The following ATP13A3 variants were observed in gnomAD, a reference collection of about 807,000 sequenced individuals.
The protein encoded by ATP13A3 is ATPase 13A3, also known as polyamine-transporting ATPase 13A3.
Under a neutral mutation model 158.1 loss-of-function variants are expected in ATP13A3, and 59 were observed. The observed-to-expected ratio is 0.37, with a 90% CI of 0.30 to 0.46. ATP13A3 has a LOEUF of 0.46. ATP13A3 is among the 20% of genes least tolerant of loss of function. The pLI is 1.00. For missense variants in ATP13A3, 1,166 were observed against 1,525.2 expected (o/e 0.76, Z 3.92); for synonymous variants, 491 against 504.3 (o/e 0.97, Z 0.35).
intron 20 of ATP13A3, among the ~76,000 whole-genome samples, chr3:194,434,794 C>T (rs975811029): frequency 6.6e-6 from 1 of 152,082 alleles, no homozygotes; most frequent in African/African-American, 2.4e-5. Flanking sequence ...ATGACATGTG[C>T]CTGCAGTCCC....
upstream of ATP13A3, among the ~76,000 whole-genome samples, chr3:194,490,220 G>A (rs191710308): frequency 6.6e-6 from 1 of 152,220 alleles, no homozygotes; most frequent in East Asian, 1.9e-4. This position sits in a 1 kb window ranked among gnomAD's most constrained non-coding sequence, Gnocchi z 4.4. Flanking sequence ...GCAAATCTGC[G>A]CATCATCCTA....
intron 33 of ATP13A3, among the ~76,000 whole-genome samples, chr3:194,410,327 A>AAAAAC (rs1560066863): frequency 1.3e-5 from 2 of 148,728 alleles, no homozygotes; most frequent in Non-Finnish European, 3.0e-5. Flanking sequence ...AAAAAAAAAA[A>AAAAAC]AAAACTGCTG....
Position 194,455,982 on chromosome 3 carries a change from TC to T in ATP13A3, c.561-21del, listed in dbSNP as rs766200232. ...AGTTTTCTATAACAGGAAAATACAT[TC>T]ATAGTATTACATTATATCATAATAG... On this transcript the variant is annotated intron_variant, in intron 7 of 33. Transcript: ENST00000645319. 5.7e-6 allele frequency: 8 copies of T among 1,409,878 alleles called. No homozygotes were observed. The African/African-American group carries it at 1.0e-4, about 18-fold the overall frequency. The allele number at this position is 1,409,878 out of a possible 1,614,324, so 87.3% of individuals were successfully genotyped here.
At chr3:194,449,635 C>T (rs1253072284) in intron 11 of ATP13A3, among the ~76,000 whole-genome samples, 1 of 151,916 alleles carries the variant, frequency 6.6e-6, no homozygotes, top group Non-Finnish European at 1.5e-5. Context: ...CAAGATCGCA[C>T]CACTGCTCTC....
chr3:194,481,449 GA>G (rs1720747051), intron 2 of ATP13A3, among the ~76,000 whole-genome samples: 2 of 152,254 alleles, frequency 1.3e-5, no homozygotes, highest in South Asian at 4.1e-4. Context: ...AAGCAAGGGT[GA>G]AAGGAACACC....
Position 194,448,690 on chromosome 3 carries a change from C to T in ATP13A3, c.971-54G>A, listed in dbSNP as rs1718578351. 3.9e-6 allele frequency: 6 copies of T among 1,547,824 alleles called. No individual in the cohort carries two copies. Among genetic ancestry groups the T allele is most frequent in the South Asian group, 1.2e-5 (1 of 84,276 alleles). ...CAGTTTACAAATTATTAAACGAAAGCACAGGAATCAGTATCGAACACCAAA... is the reference window on the plus strand; with the variant it reads ...CAGTTTACAAATTATTAAACGAAAGTACAGGAATCAGTATCGAACACCAAA... On this transcript the variant is annotated intron_variant, in intron 11 of 33. Transcript: ENST00000645319. This position sits in a 1 kb window ranked among gnomAD's most constrained non-coding sequence, Gnocchi z 4.0.
intron 6 of ATP13A3, chr3:194,459,259 T>C (rs909204018): frequency 9.7e-6 from 5 of 515,254 alleles, no homozygotes; most frequent in Non-Finnish European, 3.5e-6. Context: ...CTAAGTTTCA[T>C]GTAAACTCTG....
At position 194,404,390 on chromosome 3, in the gene ATP13A3, A is replaced by C; in HGVS notation, c.*1529T>G. 1 of 192,924 alleles carries C rather than the reference A, an allele frequency of 5.2e-6. No individual in the cohort carries two copies. Among genetic ancestry groups the C allele is most frequent in the Non-Finnish European group, 1.1e-5 (1 of 93,216 alleles). The allele number at this position is 192,924 out of a possible 1,614,324, so 12.0% of individuals were successfully genotyped here. On this transcript the variant is annotated 3_prime_UTR_variant, in exon 34 of 34. Coordinates refer to ENST00000645319, the MANE Select transcript of ATP13A3 (RefSeq NM_001367549.1). Reference sequence around the variant, plus strand: ...CTTTGCAGCATAAAGAGTGAGAACCATTTGGTCCTAAAATTCTAGGTAAAA... The same window carrying C: ...CTTTGCAGCATAAAGAGTGAGAACCCTTTGGTCCTAAAATTCTAGGTAAAA...
intron 31 of ATP13A3, among the ~76,000 whole-genome samples, chr3:194,415,275 G>A (rs1264031700): frequency 2.0e-5 from 3 of 152,194 alleles, no homozygotes; most frequent in African/African-American, 7.2e-5. Flanking sequence ...TAACGGCCTT[G>A]CTGAGGGCCG....
rs116618334 is a variant in ATP13A3 at position 194,472,921 on chromosome 3, G to A, written c.-46-10685C>T. On this transcript the variant is annotated intron_variant, in intron 2 of 33. Coordinates refer to ENST00000645319, the MANE Select transcript of ATP13A3 (RefSeq NM_001367549.1). ...AGAAACAGAAAACCAAATACTATAT[G>A]TTCTCACTTGTAAGTGGGATCTAAA... Among the ~76,000 whole-genome samples the A allele has an allele frequency of 5.7e-3, 861 of 152,214 alleles. 10 individuals carry two copies. The highest frequency in any genetic ancestry group is 0.02 in the African/African-American group (817 of 41,510).
chr3:194,483,274 ACT>A (rs1234726369), intron 2 of ATP13A3, among the ~76,000 whole-genome samples: 2 of 150,008 alleles, frequency 1.3e-5, no homozygotes, highest in East Asian at 2.0e-4. Context: ...AGAGAGCGAG[ACT>A]CTTTCTCTGG....
intron 30 of ATP13A3, among the ~76,000 whole-genome samples, chr3:194,425,007 C>T (rs937931435): frequency 1.3e-5 from 2 of 152,126 alleles, no homozygotes; most frequent in Non-Finnish European, 1.5e-5. Context: ...CCTCCGTCTC[C>T]GCCCCCGATC....
intron 2 of ATP13A3, among the ~76,000 whole-genome samples, chr3:194,476,653 T>A (rs747242395): frequency 6.6e-6 from 1 of 152,176 alleles, no homozygotes; most frequent in Non-Finnish European, 1.5e-5. Context: ...CATTCAAGTC[T>A]GTATGCAGCC....
chr3:194,485,474 C>G (rs766380928), intron 2 of ATP13A3, among the ~76,000 whole-genome samples: 1 of 152,202 alleles, frequency 6.6e-6, no homozygotes, highest in Non-Finnish European at 1.5e-5. Context: ...CTGTTCATTA[C>G]GTACTCACCC....
chr3:194,436,463 T>C (rs113689701), intron 20 of ATP13A3, among the ~76,000 whole-genome samples: 14 of 152,226 alleles, frequency 9.2e-5, no homozygotes, highest in African/African-American at 3.4e-4. Context: ...GATCAATTGG[T>C]GAAAATAAAC....
At chr3:194,449,554 T>C (rs983985909) in intron 11 of ATP13A3, among the ~76,000 whole-genome samples, 1 of 152,144 alleles carries the variant, frequency 6.6e-6, no homozygotes, top group Non-Finnish European at 1.5e-5. Flanking sequence ...GGCACACACC[T>C]GTAGTCCCAG....
chr3:194,437,131 G>T lies in ATP13A3; in HGVS notation c.2084C>A (p.Ser695Ter). ...VIALAHRKLE[S>*]KLTWHKVQNI... ...CTGTACTTTATGCCATGTCAGTTTT[G>T]ACTCCAATTTTCTGTGTGCAAGAGC... The change falls in exon 20 of 34, where the codon TCA becomes TAA. Residue 695 changes from serine to a stop codon, truncating the protein, a stop_gained. Transcript: ENST00000645319. LOFTEE classifies it high-confidence loss of function. 6.2e-7 allele frequency: 1 copy of T among 1,614,096 alleles called. No homozygotes were observed. The highest frequency in any genetic ancestry group is 1.1e-5 in the South Asian group (1 of 91,062).
intron 30 of ATP13A3, among the ~76,000 whole-genome samples, chr3:194,423,025 G>A (rs528372195): frequency 1.3e-4 from 20 of 151,626 alleles, no homozygotes; most frequent in African/African-American, 4.8e-4. Flanking sequence ...TAGACAAAGG[G>A]ATTAGATAGC....
rs1355760011 is a variant in ATP13A3 at position 194,453,691 on chromosome 3, C to T, written c.838+15G>A. On this transcript the variant is annotated intron_variant, in intron 10 of 33. Transcript: ENST00000645319. ...TATCTTTTTTGATTTATTCTTCCAA[C>T]ATTCAATTACTTACCTTCATTTACT... 9 of 1,599,250 alleles carry T rather than the reference C, an allele frequency of 5.6e-6. No homozygotes were observed. The South Asian group carries it at 1.0e-4, about 18-fold the overall frequency.
Sources: gnomAD v4.1 joint callset for allele counts (sites outside exome capture counted in the v4.1 genomes callset) on GRCh38, gnomAD v4.1.1 for gene constraint, Gnocchi (gnomAD v3.1) non-coding constraint, MANE v1.5 for transcripts, NCBI Gene and HGNC (gene_info 2026-07-23, HGNC 2026-07-21) for gene names.